PIRT: variants seen among roughly 807,000 people sequenced by gnomAD.
PIRT encodes the protein phosphoinositide interacting regulator of transient receptor potential channels.
PIRT carries 6 observed loss-of-function variants against 7.9 expected under a neutral mutation model. The ratio of observed to expected loss-of-function variants is 0.76; its 90% CI spans 0.42 to 1.51. The LOEUF is 1.51. PIRT is among the 40% of genes most tolerant of loss of function. The pLI, the probability that PIRT is intolerant of heterozygous loss-of-function variation, is 0.01. For missense variants in PIRT, 170 were observed against 172.9 expected (o/e 0.98, Z 0.09); for synonymous variants, 78 against 71.8 (o/e 1.09, Z -0.44).
At chr17:10,835,356 A>G (rs374300384) in intron 1 of PIRT, among the ~76,000 whole-genome samples, 42 of 152,286 alleles carry the variant, frequency 2.8e-4, no homozygotes, top group African/African-American at 9.1e-4. Flanking sequence ...AGTCACTCCT[A>G]TGGGGAAGCT....
At chr17:10,827,562 C>G (rs946334244) in intron 1 of PIRT, among the ~76,000 whole-genome samples, 26 of 146,470 alleles carry the variant, frequency 1.8e-4, no homozygotes, top group African/African-American at 5.6e-4. Context: ...GCAACCTCCG[C>G]CTCCCAGGTT....
Position 10,827,465 on chromosome 17 carries a change from C to CTTTTTTTTTTT in PIRT, c.-138-1693_-138-1683dup, listed in dbSNP as rs546105685. 5.2e-3 allele frequency among the ~76,000 whole-genome samples: 294 copies of CTTTTTTTTTTT among 56,258 alleles called. 12 individuals are homozygous for CTTTTTTTTTTT. The highest frequency in any genetic ancestry group is 9.0e-3 in the African/African-American group (120 of 13,318). The allele number at this position is 56,258 out of a possible 152,430, so 36.9% of individuals were successfully genotyped here. On this transcript the variant is annotated intron_variant, in intron 1 of 1. Coordinates refer to ENST00000580256, the MANE Select transcript of PIRT (RefSeq NM_001101387.2). ...TCTTTCTTTTCTTTCTTTTTCTTTT[C>CTTTTTTTTTTT]TTTTTTTTTTTTTTTTTTTTTTTTT...
chr17:10,824,930 C>T lies in PIRT; in HGVS notation c.*302G>A, dbSNP rs1905276232. 1 of 386,448 alleles carries T rather than the reference C, an allele frequency of 2.6e-6. No individual in the cohort carries two copies. Among genetic ancestry groups the T allele is most frequent in the African/African-American group, 2.0e-5 (1 of 49,872 alleles). 23.9% of individuals were successfully genotyped at this position (386,448 alleles called of 1,614,324 possible). On this transcript the variant is annotated 3_prime_UTR_variant, in exon 2 of 2. Transcript: ENST00000580256. ...GAAGAATTTCCCAGCATGCATTGCA[C>T]TTGGCAGAGAGAGTTGGATGAATGA...
chr17:10,825,876 A>G (rs1159967661), intron 1 of PIRT, 93 bp from the exon 2 acceptor site: 2 of 385,378 alleles, frequency 5.2e-6, no homozygotes, highest in Non-Finnish European at 4.6e-6. Context: ...GATAAATATT[A>G]TAACATTTTA....
chr17:10,825,157 A>T lies in PIRT; in HGVS notation c.*75T>A. 2 of 1,531,566 alleles carry T rather than the reference A, an allele frequency of 1.3e-6. No homozygotes were observed. The highest frequency in any genetic ancestry group is 2.5e-5 in the South Asian group (2 of 79,574). 94.9% of individuals were successfully genotyped at this position (1,531,566 alleles called of 1,614,324 possible). On this transcript the variant is annotated 3_prime_UTR_variant, in exon 2 of 2. Coordinates refer to ENST00000580256, the MANE Select transcript of PIRT (RefSeq NM_001101387.2). The stretch of plus-strand genomic sequence containing the variant: ...GGATCAGTTTTATGGCACCCCACAG[A>T]GGAGACAGGGATGTCGGATGTTGGT...
chr17:10,829,997 ATC>A (rs1905427150), intron 1 of PIRT, among the ~76,000 whole-genome samples: 1 of 139,496 alleles, frequency 7.2e-6, no homozygotes, highest in African/African-American at 2.6e-5. Flanking sequence ...CTATCTATCT[ATC>A]TATCTATCTA....
intron 1 of PIRT, among the ~76,000 whole-genome samples, chr17:10,833,820 C>T (rs560234405): frequency 1.3e-5 from 2 of 151,746 alleles, no homozygotes; most frequent in South Asian, 4.2e-4. Context: ...TAAAATGGGC[C>T]AAATGTTTAA....
intron 1 of PIRT, among the ~76,000 whole-genome samples, chr17:10,832,511 T>C (rs1362997288): frequency 6.6e-6 from 1 of 152,208 alleles, no homozygotes; most frequent in African/African-American, 2.4e-5. Flanking sequence ...ATTCCTGACC[T>C]AGCAGCTGGC....
intron 1 of PIRT, among the ~76,000 whole-genome samples, chr17:10,831,499 G>A (rs999926949): frequency 6.6e-6 from 1 of 152,150 alleles, no homozygotes; most frequent in Non-Finnish European, 1.5e-5. Context: ...TATGTGCAGA[G>A]GAGAGATGGA....
At position 10,825,093 on chromosome 17, in the gene PIRT, G is replaced by C; in HGVS notation, c.*139C>G. 8.7e-7 allele frequency: 1 copy of C among 1,146,830 alleles called. No individual in the cohort carries two copies. The highest frequency in any genetic ancestry group is 1.2e-6 in the Non-Finnish European group (1 of 821,410). 71.0% of individuals were successfully genotyped at this position (1,146,830 alleles called of 1,614,324 possible). A position where few individuals can be genotyped will look rare whatever the true frequency, so the allele number is the denominator to read the frequency against. On this transcript the variant is annotated 3_prime_UTR_variant, in exon 2 of 2. Transcript: ENST00000580256. Reference sequence around the variant, plus strand: ...GGCTGCATGGAGGGTGGAGCCCCAAGCTCTATCTTCCCCACAGGGTCAGGA... The same window carrying C: ...GGCTGCATGGAGGGTGGAGCCCCAACCTCTATCTTCCCCACAGGGTCAGGA...
chr17:10,835,541 C>T (rs1204369502), intron 1 of PIRT, among the ~76,000 whole-genome samples: 4 of 152,338 alleles, frequency 2.6e-5, no homozygotes, highest in South Asian at 2.1e-4. Context: ...GCGGTTTTAA[C>T]GTTTATTTTC....
At chr17:10,828,372 C>T (rs1407838570) in intron 1 of PIRT, among the ~76,000 whole-genome samples, 1 of 152,172 alleles carries the variant, frequency 6.6e-6, no homozygotes, top group Non-Finnish European at 1.5e-5. Context: ...TGGACCTTGG[C>T]TTCTACCCTC....
At chr17:10,836,444 A>G (rs990162873) in intron 1 of PIRT, among the ~76,000 whole-genome samples, 7 of 152,234 alleles carry the variant, frequency 4.6e-5, no homozygotes, top group Non-Finnish European at 5.9e-5. Context: ...GTTCAGCCTC[A>G]GATCAACAAC....
intron 1 of PIRT, among the ~76,000 whole-genome samples, chr17:10,837,144 C>A (rs1905611349): frequency 6.6e-6 from 1 of 152,330 alleles, no homozygotes; most frequent in South Asian, 2.1e-4. Context: ...GGAAGTTTCC[C>A]AAAGGTCACA....
intron 1 of PIRT, among the ~76,000 whole-genome samples, chr17:10,835,350 A>C (rs1171099113): frequency 6.6e-6 from 1 of 152,072 alleles, no homozygotes; most frequent in Non-Finnish European, 1.5e-5. Context: ...CCACCCAGTC[A>C]CTCCTATGGG....
intron 1 of PIRT, among the ~76,000 whole-genome samples, chr17:10,832,217 A>G (rs1207615668): frequency 1.3e-5 from 2 of 149,312 alleles, no homozygotes; most frequent in Non-Finnish European, 3.0e-5. Flanking sequence ...TTTGAGTCGG[A>G]GTTTTGCTCT....
At chr17:10,835,240 G>A (rs1905560374) in intron 1 of PIRT, among the ~76,000 whole-genome samples, 2 of 152,198 alleles carry the variant, frequency 1.3e-5, no homozygotes, top group Admixed American at 1.3e-4. Context: ...GGGAGGGCAG[G>A]TGCTTTTTAT....
intron 1 of PIRT, among the ~76,000 whole-genome samples, chr17:10,834,465 G>A (rs986229887): frequency 6.6e-6 from 1 of 152,180 alleles, no homozygotes; most frequent in African/African-American, 2.4e-5. Flanking sequence ...GGCTTGAGGA[G>A]GAACCAACTG....
Position 10,826,905 on chromosome 17 carries a change from C to T in PIRT, c.-138-1122G>A, listed in dbSNP as rs9913730. On this transcript the variant is annotated intron_variant, in intron 1 of 1. Coordinates refer to ENST00000580256, the MANE Select transcript of PIRT (RefSeq NM_001101387.2). ...TCAGCTGACCGCACCCTCCGCCTCC[C>T]GGGTTCAAACGATCCTCCTGCCTCA... 1.1e-3 allele frequency among the ~76,000 whole-genome samples: 172 copies of T among 152,082 alleles called. 1 individual carries two copies. Among genetic ancestry groups the T allele is most frequent in the African/African-American group, 3.7e-3 (153 of 41,452 alleles).
Sources: allele counts gnomAD v4.1 joint callset (sites outside exome capture counted in the v4.1 genomes callset), GRCh38; gene constraint gnomAD v4.1.1; transcripts MANE v1.5; gene names NCBI Gene and HGNC (gene_info 2026-07-23, HGNC 2026-07-21).